EFCAB13: variants seen among roughly 807,000 people sequenced by gnomAD.
EFCAB13 encodes EF-hand calcium-binding domain-containing protein 13.
EFCAB13 carries 91 observed loss-of-function variants against 110.2 expected under a neutral mutation model. The observed-to-expected ratio is 0.83, with a 90% CI of 0.70 to 0.98. EFCAB13 has a LOEUF of 0.98. EFCAB13 is among the 50% of genes least tolerant of loss of function. The pLI is 0.00. For synonymous variants in EFCAB13, 323 were observed against 369.9 expected (o/e 0.87, Z 1.45); for missense variants, 968 against 1,119.4 (o/e 0.86, Z 1.93).
intron 19 of EFCAB13, 145 bp from the exon 20 acceptor site, chr17:47,404,417 G>C: frequency 1.6e-6 from 1 of 611,000 alleles, no homozygotes; most frequent in Middle Eastern, 2.8e-4. Flanking sequence ...TTATTGCGAG[G>C]CTTAATGGAT....
At chr17:47,394,643 T>C (rs953346913) in intron 16 of EFCAB13, among the ~76,000 whole-genome samples, 3 of 152,216 alleles carry the variant, frequency 2.0e-5, no homozygotes, top group Non-Finnish European at 4.4e-5. Context: ...GGAGTGAAGT[T>C]AGTATGCATT....
At position 47,391,597 on chromosome 17, in the gene EFCAB13, C is replaced by T; in HGVS notation, c.1726+17C>T. 6.5e-7 allele frequency: 1 copy of T among 1,549,694 alleles called. No individual in the cohort carries two copies. The highest frequency in any genetic ancestry group is 8.7e-7 in the Non-Finnish European group (1 of 1,155,522). On this transcript the variant is annotated intron_variant, in intron 15 of 24. Coordinates refer to ENST00000331493, the MANE Select transcript of EFCAB13 (RefSeq NM_152347.5). The stretch of plus-strand genomic sequence containing the variant: ...AAGCTGGTGGTGAGTGATATATTTT[C>T]AGGCAAACTGCATTGACACATCTGG...
At chr17:47,330,605 T>G (rs1296823818) in intron 4 of EFCAB13, among the ~76,000 whole-genome samples, 3 of 152,098 alleles carry the variant, frequency 2.0e-5, no homozygotes, top group African/African-American at 7.2e-5. Context: ...TCCAGTTTCA[T>G]CCAAGTTGCT....
rs755575812 is a variant in EFCAB13 at position 47,377,905 on chromosome 17, TGA to T, written c.1510+7_1510+8del. On this transcript the variant is annotated splice_donor_region_variant and intron_variant, in intron 13 of 24. Transcript: ENST00000331493. ...TTGTGACAGACACTAGTAGAAATGG[TGA>T]GAGACTGATAACACTGAAGTTTCTG... 2.5e-6 allele frequency: 4 copies of T among 1,578,468 alleles called. No individual in the cohort carries two copies. Among genetic ancestry groups the T allele is most frequent in the Non-Finnish European group, 3.4e-6 (4 of 1,170,518 alleles).
chr17:47,421,483 A>G (rs1184844958), intron 23 of EFCAB13, among the ~76,000 whole-genome samples: 1 of 151,858 alleles, frequency 6.6e-6, no homozygotes. Flanking sequence ...CAGGGACACA[A>G]ACACTGCGGA....
chr17:47,363,833 A>G (rs1003519254), intron 10 of EFCAB13, among the ~76,000 whole-genome samples: 1 of 152,162 alleles, frequency 6.6e-6, no homozygotes, highest in Non-Finnish European at 1.5e-5. Flanking sequence ...TGGTCTGGAG[A>G]TAGAATCAGG....
chr17:47,429,755 ATAAC>A lies in EFCAB13; in HGVS notation c.2495-59_2495-56del. 9 of 1,484,918 alleles carry A rather than the reference ATAAC, an allele frequency of 6.1e-6. No individual in the cohort carries two copies. In the South Asian group the frequency reaches 1.1e-4, roughly 18 times the overall value. The allele number at this position is 1,484,918 out of a possible 1,614,324, so 92.0% of individuals were successfully genotyped here. Reference sequence around the variant, plus strand: ...TTATGCAACCTGAGGCTATTAAGTGATAACTAATAACATATGCTCTATTTCTGCT... The same window carrying A: ...TTATGCAACCTGAGGCTATTAAGTGATAATAACATATGCTCTATTTCTGCT... On this transcript the variant is annotated intron_variant, in intron 23 of 24. Coordinates refer to ENST00000331493, the MANE Select transcript of EFCAB13 (RefSeq NM_152347.5).
chr17:47,404,693 C>T lies in EFCAB13; in HGVS notation c.2233+60C>T, dbSNP rs1290891561. ...TGATACAGAACTTATTCAAAGTTCACCTAGTAAAACCCTAAATTTGGTGTT... is the reference window on the plus strand; with the variant it reads ...TGATACAGAACTTATTCAAAGTTCATCTAGTAAAACCCTAAATTTGGTGTT... On this transcript the variant is annotated intron_variant, in intron 20 of 24. Coordinates refer to ENST00000331493, the MANE Select transcript of EFCAB13 (RefSeq NM_152347.5). 7.1e-6 allele frequency: 9 copies of T among 1,271,630 alleles called. No individual in the cohort carries two copies. In the Admixed American group the frequency reaches 1.2e-4, roughly 17 times the overall value. 78.8% of individuals were successfully genotyped at this position (1,271,630 alleles called of 1,614,324 possible).
In EFCAB13 at chr17:47,439,457, A is replaced by T. The variant is rs571441411; in HGVS notation, c.2639-974A>T. Among the ~76,000 whole-genome samples, 4 of 152,172 alleles carry T rather than the reference A, an allele frequency of 2.6e-5. No homozygotes were observed. The South Asian group carries it at 8.3e-4, about 32-fold the overall frequency. ...CTCCCAAAGTGCTGAGATTACAGGC[A>T]TGAGCCACCATGTCTGGCCTGAGTT... On this transcript the variant is annotated intron_variant, in intron 24 of 24. Coordinates refer to ENST00000331493, the MANE Select transcript of EFCAB13 (RefSeq NM_152347.5).
intron 4 of EFCAB13, 76 bp from the exon 5 acceptor site, chr17:47,335,120 T>C: frequency 2.2e-6 from 3 of 1,393,348 alleles, no homozygotes; most frequent in Non-Finnish European, 2.9e-6. Flanking sequence ...CTAAAATGAA[T>C]GATTGACCCA....
At chr17:47,381,444 T>C (rs2065646952) in intron 14 of EFCAB13, among the ~76,000 whole-genome samples, 1 of 152,192 alleles carries the variant, frequency 6.6e-6, no homozygotes, top group African/African-American at 2.4e-5. Flanking sequence ...ATGTCCTGAA[T>C]GGTATTGCCT....
Position 47,361,035 on chromosome 17 carries a change from T to C in EFCAB13, c.662-343T>C, listed in dbSNP as rs370610421. ...TTTTAGTTAAATTGTTTTAAAATTA[T>C]AGACTCTGACATTCAAAAGTAGATG... On this transcript the variant is annotated intron_variant, in intron 9 of 24. Transcript: ENST00000331493. 2.6e-5 allele frequency among the ~76,000 whole-genome samples: 4 copies of C among 152,340 alleles called. No individual in the cohort carries two copies. In the East Asian group the frequency reaches 5.8e-4, roughly 22 times the overall value.
intron 9 of EFCAB13, among the ~76,000 whole-genome samples, chr17:47,353,509 T>A (rs765219058): frequency 6.6e-6 from 1 of 152,088 alleles, no homozygotes; most frequent in Non-Finnish European, 1.5e-5. Flanking sequence ...TTGGCCAGGC[T>A]GATGTCGAAC....
chr17:47,397,425 G>A (rs1003251443), intron 17 of EFCAB13, among the ~76,000 whole-genome samples: 54 of 151,666 alleles, frequency 3.6e-4, no homozygotes, highest in Non-Finnish European at 5.3e-4. Context: ...GCCTCTGCCC[G>A]GCCGCCACCC....
At chr17:47,335,677 G>A (rs764102760) in intron 5 of EFCAB13, among the ~76,000 whole-genome samples, 19 of 152,156 alleles carry the variant, frequency 1.2e-4, no homozygotes, top group African/African-American at 4.3e-4. Flanking sequence ...TACAGGAAGC[G>A]AGGCTGGGGA....
Position 47,402,473 on chromosome 17 carries a change from G to A in EFCAB13, c.2017+270G>A, listed in dbSNP as rs79544557. ...GAACTTGGAGGAGCCAAGAGAATAG[G>A]CATAGTATGAAGTTCTATGCCTTCT... is the stretch of plus-strand genomic sequence containing the variant. On this transcript the variant is annotated intron_variant, in intron 18 of 24. Transcript: ENST00000331493. Among the ~76,000 whole-genome samples the A allele has an allele frequency of 6.4e-3, 979 of 152,276 alleles. 9 individuals are homozygous for A. The highest frequency in any genetic ancestry group is 0.019 in the African/African-American group (805 of 41,550).
At chr17:47,397,769 C>T (rs879236660) in intron 17 of EFCAB13, among the ~76,000 whole-genome samples, 8 of 150,906 alleles carry the variant, frequency 5.3e-5, no homozygotes, top group Non-Finnish European at 1.0e-4. Flanking sequence ...GGAGACCCTC[C>T]GCCTGGCAAC....
chr17:47,375,758 T>G (rs968235273), intron 12 of EFCAB13, among the ~76,000 whole-genome samples: 10 of 152,228 alleles, frequency 6.6e-5, no homozygotes, highest in Non-Finnish European at 1.5e-4. Flanking sequence ...GCCTGGTTTC[T>G]TTTGGAAACG....
chr17:47,370,299 A>G, intron 10 of EFCAB13, 138 bp from the exon 11 acceptor site: 1 of 652,504 alleles, frequency 1.5e-6, no homozygotes, highest in Non-Finnish European at 2.7e-6. Flanking sequence ...ATGATTTCAG[A>G]TTTTATTCAA....
Sources: gnomAD v4.1 joint callset for allele counts (sites outside exome capture counted in the v4.1 genomes callset) on GRCh38, gnomAD v4.1.1 for gene constraint, MANE v1.5 for transcripts, NCBI Gene and HGNC (gene_info 2026-07-23, HGNC 2026-07-21) for gene names.